The following OTOGL variants were observed in gnomAD, a reference collection of about 807,000 sequenced individuals.
The protein encoded by OTOGL is otogelin like.
A neutral mutation model predicts 318.5 loss-of-function variants in OTOGL; 285 were observed. The ratio of observed to expected loss-of-function variants is 0.89; its 90% CI spans 0.81 to 0.99. The LOEUF is 0.99. Among genes scored for constraint, OTOGL ranks in the 50% least tolerant of loss-of-function variants. The probability of loss-of-function intolerance (pLI) is 0.00; values close to 1 mark genes in which losing one functional copy is unlikely to be tolerated. For synonymous variants in OTOGL, 987 were observed against 936.5 expected, an observed-to-expected ratio of 1.05 and a Z score of -0.99; for missense variants, 2,899 against 2,845.6, an observed-to-expected ratio of 1.02 and a Z score of -0.43.
chr12:80,219,804 T>TTTC lies in OTOGL; in HGVS notation c.236-10_236-9insTTC. ...CCAGAAGATAACTTTTTTTTTTTTT[T>TTTC]CCCCCTCAGGTTCTTGTCCTTATGA... is the stretch of plus-strand genomic sequence containing the variant. On this transcript the variant is annotated splice_polypyrimidine_tract_variant and intron_variant, in intron 5 of 58. Coordinates refer to ENST00000547103, the MANE Select transcript of OTOGL (RefSeq NM_001378609.3). The TTTC allele has an allele frequency of 1.3e-6, 2 of 1,500,674 alleles. No homozygotes were observed. The highest frequency in any genetic ancestry group is 2.8e-5 in the African/African-American group (2 of 71,792). The allele number at this position is 1,500,674 out of a possible 1,614,324, so 93.0% of individuals were successfully genotyped here.
chr12:80,144,363 T>C (rs974444438), intron 1 of OTOGL, among the ~76,000 whole-genome samples: 1 of 151,618 alleles, frequency 6.6e-6, no homozygotes, highest in Non-Finnish European at 1.5e-5. Flanking sequence ...ATTTCATCCA[T>C]GTCCCTACAA....
In OTOGL at chr12:80,185,644, A is replaced by G. The variant is rs543214930; in HGVS notation, c.-19-23769A>G. ...GTCCTCATCTGTAAAAAGGGATAAT[A>G]ATGGCATTGCTTCATAATCTTGTTT... On this transcript the variant is annotated intron_variant, in intron 1 of 58. Coordinates refer to ENST00000547103, the MANE Select transcript of OTOGL (RefSeq NM_001378609.3). Among the ~76,000 whole-genome samples, 6 of 152,308 alleles carry G rather than the reference A, an allele frequency of 3.9e-5. No homozygotes were observed. In the East Asian group the frequency reaches 1.2e-3, roughly 29 times the overall value.
At chr12:80,284,400 G>A (rs1270665872) in intron 26 of OTOGL, among the ~76,000 whole-genome samples, 1 of 152,148 alleles carries the variant, frequency 6.6e-6, no homozygotes, top group East Asian at 1.9e-4. Flanking sequence ...ACTCAGTAAT[G>A]AGATTGCTGG....
chr12:80,324,403 G>T (rs1887549449), intron 35 of OTOGL, among the ~76,000 whole-genome samples: 2 of 152,156 alleles, frequency 1.3e-5, no homozygotes, highest in Non-Finnish European at 2.9e-5. Context: ...CAGCAAGGAG[G>T]TCATAAGTTA....
rs566178172 is a variant in OTOGL at position 80,129,824 on chromosome 12, C to A, written c.-20+30219C>A. 6.9e-4 allele frequency among the ~76,000 whole-genome samples: 105 copies of A among 152,200 alleles called. 1 individual carries two copies. Among genetic ancestry groups the A allele is most frequent in the Middle Eastern group, 3.4e-3 (1 of 294 alleles). On this transcript the variant is annotated intron_variant, in intron 1 of 58. Coordinates refer to ENST00000547103, the MANE Select transcript of OTOGL (RefSeq NM_001378609.3). ...AGTCATTTTTTTGACCTCTTTATAGCATTTGCTTTATTGACTGCCCTCATT... is the reference window on the plus strand; with the variant it reads ...AGTCATTTTTTTGACCTCTTTATAGAATTTGCTTTATTGACTGCCCTCATT...
intron 1 of OTOGL, among the ~76,000 whole-genome samples, chr12:80,117,495 C>A (rs1870239127): frequency 6.6e-6 from 1 of 152,144 alleles, no homozygotes; most frequent in Non-Finnish European, 1.5e-5. Flanking sequence ...ATTTCTTTCC[C>A]ATTACCATCA....
At chr12:80,306,847 C>T (rs1309326815) in intron 29 of OTOGL, among the ~76,000 whole-genome samples, 1 of 144,478 alleles carries the variant, frequency 6.9e-6, no homozygotes, top group African/African-American at 2.6e-5. Flanking sequence ...TTGGGTGTTT[C>T]TCGCAGAGGG....
Position 80,350,986 on chromosome 12 carries a change from T to G in OTOGL, c.5266-1309T>G, listed in dbSNP as rs1049290362. On this transcript the variant is annotated intron_variant, in intron 44 of 58. Transcript: ENST00000547103. ...GGCAGAAAATTACTGCTCAAACCAG[T>G]GTCCTAGAGCTTTTCCTCTGTTTTT... is the stretch of plus-strand genomic sequence containing the variant. Among the ~76,000 whole-genome samples, 7 of 152,294 alleles carry G rather than the reference T, an allele frequency of 4.6e-5. No homozygotes were observed. In the South Asian group the frequency reaches 1.5e-3, roughly 32 times the overall value.
rs749741032 is a variant in OTOGL at position 80,333,054 on chromosome 12, A to G, written c.4398A>G (p.Thr1466=). The G allele has an allele frequency of 3.1e-6, 5 of 1,601,850 alleles. No homozygotes were observed. The South Asian group carries it at 5.6e-5, about 18-fold the overall frequency. The change falls in exon 38 of 59, where the codon ACA becomes ACG. Residue 1466 remains threonine, a synonymous_variant. Transcript: ENST00000547103. The stretch of plus-strand genomic sequence containing the variant: ...ACATCACTGTGTTTGATATGCTAAC[A>G]CCAACTACAGGCTTGGAATGTGAGG... ...PSDITVFDML[T]PTTGLECEPQ... is the part of the protein sequence containing the mutation.
At position 80,380,200 on chromosome 12, in the gene OTOGL, A is replaced by G. The variant is rs1446461498; in HGVS notation, c.*2152A>G. The G allele has an allele frequency of 6.6e-6, 1 of 152,094 alleles. No homozygotes were observed. Among genetic ancestry groups the G allele is most frequent in the African/African-American group, 2.4e-5 (1 of 41,450 alleles). The allele number at this position is 152,094 out of a possible 1,614,324, so 9.4% of individuals were successfully genotyped here. A position where few individuals can be genotyped will look rare whatever the true frequency, so the allele number is the denominator to read the frequency against. Reference sequence around the variant, plus strand: ...GGAGTTACAAAAGAAAATAGGGAAGAAATCTTAGATTGGGGAGAGCCATTC... The same window carrying G: ...GGAGTTACAAAAGAAAATAGGGAAGGAATCTTAGATTGGGGAGAGCCATTC... On this transcript the variant is annotated 3_prime_UTR_variant, in exon 59 of 59. Coordinates refer to ENST00000547103, the MANE Select transcript of OTOGL (RefSeq NM_001378609.3).
chr12:80,201,147 C>T (rs1219321681), intron 1 of OTOGL, among the ~76,000 whole-genome samples: 2 of 152,072 alleles, frequency 1.3e-5, no homozygotes, highest in Non-Finnish European at 2.9e-5. Flanking sequence ...TTCTTCTAGG[C>T]CTGGGGAATT....
At chr12:80,210,012 T>C (rs1047189079) in intron 2 of OTOGL, among the ~76,000 whole-genome samples, 10 of 152,098 alleles carry the variant, frequency 6.6e-5, no homozygotes, top group African/African-American at 2.2e-4. Flanking sequence ...AACTAACATC[T>C]GGGGCTAAAA....
At chr12:80,157,396 T>G (rs1873196133) in intron 1 of OTOGL, among the ~76,000 whole-genome samples, 1 of 152,182 alleles carries the variant, frequency 6.6e-6, no homozygotes, top group South Asian at 2.1e-4. Context: ...ATGTGTTGTC[T>G]CTTCACTTTG....
Position 80,378,344 on chromosome 12 carries a change from G to T in OTOGL, c.*296G>T. ...ACAGTATATTCTCATCAACTGGAAG[G>T]TTATTTTGCAAAATTCCTTCAATTT... On this transcript the variant is annotated 3_prime_UTR_variant, in exon 59 of 59. Transcript: ENST00000547103. The T allele has an allele frequency of 4.6e-6, 1 of 218,880 alleles. No individual in the cohort carries two copies. The highest frequency in any genetic ancestry group is 9.1e-6 in the Non-Finnish European group (1 of 110,086). 13.6% of individuals were successfully genotyped at this position (218,880 alleles called of 1,614,324 possible). A position where few individuals can be genotyped will look rare whatever the true frequency, so the allele number is the denominator to read the frequency against.
At chr12:80,148,101 G>T (rs1310517187) in intron 1 of OTOGL, among the ~76,000 whole-genome samples, 1 of 151,440 alleles carries the variant, frequency 6.6e-6, no homozygotes, top group Non-Finnish European at 1.5e-5. Flanking sequence ...TCATGATGAT[G>T]TTAGCTGGTG....
At chr12:80,337,096 C>A (rs1888462453) in intron 42 of OTOGL, 92 bp downstream of exon 42, 6 of 946,830 alleles carry the variant, frequency 6.3e-6, no homozygotes, top group African/African-American at 1.7e-5. Flanking sequence ...TTAAGCATAT[C>A]AATGGAATTT....
chr12:80,135,990 T>C (rs1871544738), intron 1 of OTOGL, among the ~76,000 whole-genome samples: 1 of 152,248 alleles, frequency 6.6e-6, no homozygotes, highest in Admixed American at 6.5e-5. Flanking sequence ...GTGCAGATTT[T>C]GAGCTCGCCA....
intron 32 of OTOGL, among the ~76,000 whole-genome samples, chr12:80,316,238 C>T (rs536223158): frequency 1.3e-5 from 2 of 152,064 alleles, no homozygotes; most frequent in African/African-American, 2.4e-5. Context: ...GGATGATCAC[C>T]GCACATTGTC....
chr12:80,330,292 A>G (rs1887987665), intron 37 of OTOGL, among the ~76,000 whole-genome samples: 1 of 152,168 alleles, frequency 6.6e-6, no homozygotes. Context: ...TATGCCAGGT[A>G]TAGGATTAAG....
Sources: gnomAD v4.1 joint callset for allele counts (sites outside exome capture counted in the v4.1 genomes callset) on GRCh38, gnomAD v4.1.1 for gene constraint, MANE v1.5 for transcripts, NCBI Gene and HGNC (gene_info 2026-07-23, HGNC 2026-07-21) for gene names.